Variants in SH2D3A observed in about 807,000 individuals in gnomAD.
SH2D3A encodes SH2 domain-containing protein 3A.
In SH2D3A, 46 loss-of-function variants were observed where a neutral mutation model predicts 50.6. The observed-to-expected ratio is 0.91, with a 90% CI of 0.72 to 1.16. SH2D3A has a LOEUF of 1.16. Among genes scored for constraint, SH2D3A ranks in the 50% most tolerant of loss-of-function variants. The pLI is 0.00. For missense variants in SH2D3A, 783 were observed against 786.2 expected (o/e 1.00, Z 0.05); for synonymous variants, 377 against 348.4 (o/e 1.08, Z -0.91).
At chr19:6,759,257 G>A (rs1170701447) in intron 4 of SH2D3A, 1 of 249,070 alleles carries the variant, frequency 4.0e-6, no homozygotes, top group Admixed American at 5.4e-5. Flanking sequence ...GGGATTACAG[G>A]TGCGTGCCAC....
At chr19:6,762,361 T>C (rs1302499723) in intron 2 of SH2D3A, among the ~76,000 whole-genome samples, 1 of 151,566 alleles carries the variant, frequency 6.6e-6, no homozygotes, top group Non-Finnish European at 1.5e-5. Flanking sequence ...TTTTTTGTAT[T>C]TTTAGTAGAG....
intron 9 of SH2D3A, chr19:6,753,094 G>A (rs1599575336): frequency 2.0e-6 from 2 of 985,390 alleles, no homozygotes; most frequent in Non-Finnish European, 2.4e-6. Context: ...GGATCTTGCC[G>A]GGTGGGCTGC....
chr19:6,755,803 G>A (rs531615757), intron 4 of SH2D3A, among the ~76,000 whole-genome samples: 189 of 152,012 alleles, frequency 1.2e-3, no homozygotes, highest in Non-Finnish European at 2.1e-3. Flanking sequence ...AAAAGGATGA[G>A]CGTGGTGGCC....
chr19:6,759,765 G>C (rs1054884039), intron 3 of SH2D3A, 95 bp from the exon 4 acceptor site: 14 of 1,278,932 alleles, frequency 1.1e-5, no homozygotes, highest in Admixed American at 9.4e-5. Flanking sequence ...CTCTGTACCA[G>C]TGAGTCTCAA....
At position 6,753,607 on chromosome 19, in the gene SH2D3A, G is replaced by A. The variant is rs1051119137; in HGVS notation, c.1419C>T (p.His473=). ...CCAGTAGGCGAACCATGGGTGCCAC[G>A]TGCGGCAGCGCCACCTCGCCGGGGT... The part of the protein sequence containing the change: ...PCDPGEVALP[H]VAPMVRLLEG... The change falls in exon 9 of 10, where the codon CAC becomes CAT. Residue 473 remains histidine, a synonymous_variant. Coordinates refer to ENST00000245908, the MANE Select transcript of SH2D3A (RefSeq NM_005490.3). 3 of 1,589,056 alleles carry A rather than the reference G, an allele frequency of 1.9e-6. No homozygotes were observed. Among genetic ancestry groups the A allele is most frequent in the African/African-American group, 1.3e-5 (1 of 74,676 alleles).
At chr19:6,765,239 C>T (rs926219615) in intron 1 of SH2D3A, among the ~76,000 whole-genome samples, 1 of 151,974 alleles carries the variant, frequency 6.6e-6, no homozygotes, top group African/African-American at 2.4e-5. Context: ...GTTGCCCAGG[C>T]TGGGTGAACA....
At position 6,754,682 on chromosome 19, in the gene SH2D3A, A is replaced by T. The variant is rs760960995; in HGVS notation, c.1031T>A (p.Val344Asp). 2 of 1,613,662 alleles carry T rather than the reference A, an allele frequency of 1.2e-6. No homozygotes were observed. Among genetic ancestry groups the T allele is most frequent in the Non-Finnish European group, 8.5e-7 (1 of 1,179,888 alleles). Reference protein sequence around the residue: ...VTRDQRGNMGVSSGLELLTLP... With the variant: ...VTRDQRGNMGDSSGLELLTLP... ...AGTGAGCAGCTCCAGGCCAGATGAG[A>T]CTCCCATGTTGCCCCGCTGATCTCT... is the stretch of plus-strand genomic sequence containing the variant. Residue 344 changes from valine to aspartate, a missense_variant, in exon 6 of 10, where the codon GTC (valine) becomes GAC (aspartate). Physicochemically the swap from Val to Asp is radical, Grantham distance 152 (BLOSUM62 -3). Coordinates refer to ENST00000245908, the MANE Select transcript of SH2D3A (RefSeq NM_005490.3).
At position 6,760,830 on chromosome 19, in the gene SH2D3A, G is replaced by C; in HGVS notation, c.227C>G (p.Ala76Gly). 1 of 1,614,284 alleles carries C rather than the reference G, an allele frequency of 6.2e-7. No homozygotes were observed. Among genetic ancestry groups the C allele is most frequent in the East Asian group, 2.2e-5 (1 of 44,894 alleles). The change falls in exon 3 of 10, where the codon GCC (alanine) becomes GGC (glycine). Residue 76 changes from alanine to glycine, a missense_variant. Coordinates refer to ENST00000245908, the MANE Select transcript of SH2D3A (RefSeq NM_005490.3). The part of the protein sequence containing the change: ...ALRPRPGRPT[A>G]LFQLEDEQFP... ...TTGCTCATCCTCCAGTTGAAAGAGG[G>C]CTGTGGGTCGGCCTGGCCGGGGACG...
chr19:6,753,070 C>T, intron 9 of SH2D3A: 1 of 980,898 alleles, frequency 1.0e-6, no homozygotes, highest in Non-Finnish European at 1.2e-6. Flanking sequence ...CCCAGGTTGT[C>T]GGGGAAGGTG....
intron 8 of SH2D3A, 24 bp downstream of exon 8, chr19:6,754,028 G>T: frequency 3.2e-6 from 5 of 1,568,548 alleles, no homozygotes; most frequent in Non-Finnish European, 4.3e-6. Flanking sequence ...CCCAGGGGAT[G>T]CTAAGCCCCA....
At chr19:6,766,203 G>A (rs984504385) in intron 1 of SH2D3A, among the ~76,000 whole-genome samples, 1 of 152,176 alleles carries the variant, frequency 6.6e-6, no homozygotes, top group East Asian at 1.9e-4. Context: ...CAATGCCTGC[G>A]CACTTCCTGT....
intron 9 of SH2D3A, chr19:6,753,117 C>G (rs8106067): frequency 0.29 from 286,645 of 984,566 alleles, 43,092 homozygotes; most frequent in African/African-American, 0.48. Flanking sequence ...TAGGATAGGA[C>G]GGAGGAGTCG....
chr19:6,764,497 A>C (rs996537065), intron 1 of SH2D3A: 1 of 152,204 alleles, frequency 6.6e-6, no homozygotes, highest in Non-Finnish European at 1.5e-5. Flanking sequence ...ACCCCTATTT[A>C]TTCAGCACCT....
Position 6,752,485 on chromosome 19 carries a change from G to C in SH2D3A, c.*108C>G. The C allele has an allele frequency of 9.1e-7, 1 of 1,103,648 alleles. No individual in the cohort carries two copies. Among genetic ancestry groups the C allele is most frequent in the Non-Finnish European group, 1.2e-6 (1 of 817,958 alleles). The allele number at this position is 1,103,648 out of a possible 1,614,324, so 68.4% of individuals were successfully genotyped here. On this transcript the variant is annotated 3_prime_UTR_variant, in exon 10 of 10. Coordinates refer to ENST00000245908, the MANE Select transcript of SH2D3A (RefSeq NM_005490.3). ...GTCCCCACCTCTTCTGTGAGGCACA[G>C]GGCAGGATTCCACCTGAGGCGCGAG... is the stretch of plus-strand genomic sequence containing the variant.
At chr19:6,753,111 A>C in intron 9 of SH2D3A, 2 of 985,002 alleles carry the variant, frequency 2.0e-6, no homozygotes, top group Non-Finnish European at 2.4e-6. Context: ...CTGCCCTAGG[A>C]TAGGACGGAG....
chr19:6,754,490 G>T (rs1449820943), intron 6 of SH2D3A, 65 bp from the exon 7 acceptor site: 3 of 1,543,040 alleles, frequency 1.9e-6, no homozygotes, highest in Admixed American at 1.8e-5. Context: ...GGTGAGGGGG[G>T]ACAGGAGGTG....
In SH2D3A at chr19:6,765,144, G is replaced by A. The variant is rs1599598494; in HGVS notation, c.-68-1328C>T. On this transcript the variant is annotated intron_variant, in intron 1 of 9. Coordinates refer to ENST00000245908, the MANE Select transcript of SH2D3A (RefSeq NM_005490.3). ...GATCCACCCTCCTCAGCCTCCCAAA[G>A]CACTGGGATTACCAGCATGAGCCAC... Among the ~76,000 whole-genome samples the A allele has an allele frequency of 2.6e-5, 4 of 151,838 alleles. No homozygotes were observed. The South Asian group carries it at 8.3e-4, about 32-fold the overall frequency.
chr19:6,762,071 T>C (rs1011268523), intron 2 of SH2D3A, among the ~76,000 whole-genome samples: 10 of 151,782 alleles, frequency 6.6e-5, no homozygotes, highest in Admixed American at 1.3e-4. Flanking sequence ...AAATAATAGA[T>C]GTAGCAGACA....
intron 2 of SH2D3A, among the ~76,000 whole-genome samples, chr19:6,761,965 C>CAAAAAAAAAAAAAAAAAAAA (rs759411762): frequency 9.8e-6 from 1 of 101,612 alleles, no homozygotes; most frequent in African/African-American, 4.0e-5. Flanking sequence ...AAAAAAAAAA[C>CAAAAAAAAAAAAAAAAAAAA]AAAAAAAAAA....
Sources: allele counts gnomAD v4.1 joint callset (sites outside exome capture counted in the v4.1 genomes callset), GRCh38; gene constraint gnomAD v4.1.1; transcripts MANE v1.5; gene names NCBI Gene and HGNC (gene_info 2026-07-23, HGNC 2026-07-21).